KSR1: variants seen among roughly 807,000 people sequenced by gnomAD.
KSR1 encodes the protein kinase suppressor of ras 1.
KSR1 carries 35 observed loss-of-function variants against 92.9 expected under a neutral mutation model. That is an observed-to-expected ratio of 0.38 (90% CI 0.29 to 0.50). The LOEUF is 0.50. Among genes scored for constraint, KSR1 ranks in the 20% least tolerant of loss-of-function variants. The pLI is 0.94. For missense variants in KSR1, 972 were observed against 1,158.5 expected, an observed-to-expected ratio of 0.84 and a Z score of 2.34; for synonymous variants, 467 against 472.6, an observed-to-expected ratio of 0.99 and a Z score of 0.15.
chr17:27,574,393 A>T (rs2072426343), intron 2 of KSR1, among the ~76,000 whole-genome samples: 1 of 152,220 alleles, frequency 6.6e-6, no homozygotes, highest in Admixed American at 6.5e-5. Flanking sequence ...GAAGGCAACC[A>T]GGGTTTTGGC....
intron 1 of KSR1, among the ~76,000 whole-genome samples, chr17:27,548,874 G>A (rs2151085873): frequency 6.6e-6 from 1 of 151,508 alleles, no homozygotes; most frequent in East Asian, 1.9e-4. Context: ...AGTATCCCTT[G>A]TTTGAAATGC....
In KSR1 at chr17:27,459,912, T is replaced by A. The variant is rs564433942; in HGVS notation, c.231+3038T>A. On this transcript the variant is annotated intron_variant, in intron 1 of 20. Coordinates refer to ENST00000644974, the MANE Select transcript of KSR1 (RefSeq NM_001394583.1). The surrounding 1 kb of genome is among the most constrained non-coding windows in gnomAD (Gnocchi z 4.6). The stretch of plus-strand genomic sequence containing the variant: ...GGAAAAGGGTAGAAGGAGCTGAGAC[T>A]TAACGTTTGCTGCCTGTGTGCCTAG... Among the ~76,000 whole-genome samples, 3 of 152,296 alleles carry A rather than the reference T, an allele frequency of 2.0e-5. No homozygotes were observed. In the South Asian group the frequency reaches 6.2e-4, roughly 32 times the overall value.
At chr17:27,586,623 C>T (rs1201729437) in intron 5 of KSR1, among the ~76,000 whole-genome samples, 1 of 152,192 alleles carries the variant, frequency 6.6e-6, no homozygotes, top group Non-Finnish European at 1.5e-5. Context: ...TCTAGGACAG[C>T]CCCAGCCTTG....
At chr17:27,536,310 A>G (rs964776034) in intron 1 of KSR1, among the ~76,000 whole-genome samples, 1 of 152,194 alleles carries the variant, frequency 6.6e-6, no homozygotes, top group African/African-American at 2.4e-5. Context: ...CTGCTAAAGT[A>G]TGCCGGTATG....
chr17:27,592,676 T>C (rs1045882364), intron 9 of KSR1, 50 bp downstream of exon 9: 3 of 1,488,418 alleles, frequency 2.0e-6, no homozygotes, highest in Non-Finnish European at 2.8e-6. Flanking sequence ...TGGCCTTCCT[T>C]CCTATAAAGC....
Position 27,573,215 on chromosome 17 carries a change from A to G in KSR1, c.373-4277A>G, listed in dbSNP as rs564390500. On this transcript the variant is annotated intron_variant, in intron 2 of 20. Coordinates refer to ENST00000644974, the MANE Select transcript of KSR1 (RefSeq NM_001394583.1). ...GCACAGATTTGAATTAGTTATCACC[A>G]TGTAAAAGCCAGCCATTTAAAAATA... 7.2e-5 allele frequency among the ~76,000 whole-genome samples: 11 copies of G among 152,360 alleles called. No individual in the cohort carries two copies. The East Asian group carries it at 1.7e-3, about 24-fold the overall frequency.
At chr17:27,578,544 CTG>C (rs1395576309) in intron 3 of KSR1, 1 of 152,220 alleles carries the variant, frequency 6.6e-6, no homozygotes, top group Non-Finnish European at 1.5e-5. Context: ...TTACAGGAGA[CTG>C]AGCTCAGAGA....
At position 27,617,696 on chromosome 17, in the gene KSR1, T is replaced by C. The variant is rs182459701; in HGVS notation, c.2627+268T>C. ...GCACCTGCCACCACACTTGGCTAAT[T>C]ATTGTATTTTTAGTAGAGACGGGGT... On this transcript the variant is annotated intron_variant, in intron 19 of 20. Transcript: ENST00000644974. 5.2e-4 allele frequency: 212 copies of C among 409,638 alleles called. 1 individual carries two copies. Among genetic ancestry groups the C allele is most frequent in the Admixed American group, 1.3e-3 (38 of 29,990 alleles). 25.4% of individuals were successfully genotyped at this position (409,638 alleles called of 1,614,324 possible).
chr17:27,576,082 G>T (rs2072493841), intron 2 of KSR1, among the ~76,000 whole-genome samples: 1 of 152,054 alleles, frequency 6.6e-6, no homozygotes, highest in African/African-American at 2.4e-5. Context: ...TTTTTTCCCA[G>T]AGGCCACCCC....
chr17:27,568,608 C>T (rs1186101695), intron 2 of KSR1, among the ~76,000 whole-genome samples: 1 of 152,184 alleles, frequency 6.6e-6, no homozygotes, highest in Non-Finnish European at 1.5e-5. Context: ...TGGCCACACC[C>T]AGGAACCCCT....
rs2151207004 is a variant in KSR1, at chr17:27,597,299, C to A, written c.1331C>A (p.Ser444Tyr). Residue 444 changes from serine to tyrosine, a missense_variant, in exon 10 of 21, where the codon TCC becomes TAC. By Grantham distance (144) the Ser-to-Tyr change is moderately radical (BLOSUM62 -2). This residue lies in a region of KSR1 where 611 missense variants were observed against 668.0 expected (regional missense o/e 0.91). Transcript: ENST00000644974. ...EHPPAMNHLD[S>Y]SSNPSSTTSS... is the part of the protein sequence containing the mutation. ...CCTCCGGCCATGAATCACCTGGACTCCAGCAGCAACCCTTCCTCCACCACC... is the reference window on the plus strand; with the variant it reads ...CCTCCGGCCATGAATCACCTGGACTACAGCAGCAACCCTTCCTCCACCACC... 6.2e-7 allele frequency: 1 copy of A among 1,603,356 alleles called. No individual in the cohort carries two copies. The highest frequency in any genetic ancestry group is 2.3e-5 in the East Asian group (1 of 44,356).
chr17:27,521,334 C>CT (rs759201177), intron 1 of KSR1, among the ~76,000 whole-genome samples: 1,371 of 134,904 alleles, frequency 0.01, 22 homozygotes, highest in East Asian at 0.044. Flanking sequence ...AAGGCCATTC[C>CT]TTTTTTTTTT....
chr17:27,518,438 T>C (rs944362819), intron 1 of KSR1, among the ~76,000 whole-genome samples: 5 of 152,240 alleles, frequency 3.3e-5, no homozygotes, highest in Non-Finnish European at 7.3e-5. Context: ...TTCCGTCCTT[T>C]CTTTTGGAAA....
At chr17:27,526,239 T>C in intron 1 of KSR1, 2 of 550,742 alleles carry the variant, frequency 3.6e-6, no homozygotes, top group South Asian at 2.3e-5. Flanking sequence ...AGGGTGCAGC[T>C]GTTTCCCTGA....
At chr17:27,609,717 G>A (rs1453581118) in intron 16 of KSR1, 6 of 337,410 alleles carry the variant, frequency 1.8e-5, no homozygotes, top group African/African-American at 8.3e-5. Flanking sequence ...CAGCAAGGCT[G>A]CAAGGCCAGC....
chr17:27,456,486 G>T lies in KSR1; in HGVS notation c.-158G>T, dbSNP rs2019163037. The T allele has an allele frequency of 2.8e-5, 11 of 392,802 alleles. No individual in the cohort carries two copies. The highest frequency in any genetic ancestry group is 6.5e-4 in the Middle Eastern group (1 of 1,534). 24.3% of individuals were successfully genotyped at this position (392,802 alleles called of 1,614,324 possible). A position where few individuals can be genotyped will look rare whatever the true frequency, so the allele number is the denominator to read the frequency against. Reference sequence around the variant, plus strand: ...TCGCTTTGCTGCCGCGGCTGGGAGGGTGGAAGCGGCAGACTCAGCGGCCGG... The same window carrying T: ...TCGCTTTGCTGCCGCGGCTGGGAGGTTGGAAGCGGCAGACTCAGCGGCCGG... On this transcript the variant is annotated 5_prime_UTR_variant, in exon 1 of 21. Coordinates refer to ENST00000644974, the MANE Select transcript of KSR1 (RefSeq NM_001394583.1).
At chr17:27,488,230 C>T (rs2068725151) in intron 1 of KSR1, among the ~76,000 whole-genome samples, 1 of 152,268 alleles carries the variant, frequency 6.6e-6, no homozygotes, top group African/African-American at 2.4e-5. Flanking sequence ...CATGTACCCA[C>T]AACTCAGGTT....
intron 1 of KSR1, among the ~76,000 whole-genome samples, chr17:27,509,539 T>A (rs1395476268): frequency 5.3e-5 from 8 of 151,026 alleles, no homozygotes; most frequent in Admixed American, 5.3e-4. Context: ...TCTGCCCACC[T>A]CGGCCTCCCA....
At chr17:27,526,335 C>G (rs1296344273) in intron 1 of KSR1, 2 of 1,273,344 alleles carry the variant, frequency 1.6e-6, no homozygotes, top group Non-Finnish European at 2.2e-6. Context: ...GTCCATGTTC[C>G]AGACATTCTT....
Sources: allele counts gnomAD v4.1 joint callset (sites outside exome capture counted in the v4.1 genomes callset), GRCh38; gene constraint gnomAD v4.1.1; regional missense constraint gnomAD v4.1.1; non-coding constraint Gnocchi (gnomAD v3.1); transcripts MANE v1.5; gene names NCBI Gene and HGNC (gene_info 2026-07-23, HGNC 2026-07-21).